LPIN3: variants seen among roughly 807,000 people sequenced by gnomAD.
The protein encoded by LPIN3 is phosphatidate phosphatase LPIN3.
In LPIN3, 82 loss-of-function variants were observed where a neutral mutation model predicts 94.7. That is an observed-to-expected ratio of 0.87 (90% CI 0.72 to 1.04). LPIN3 has a LOEUF of 1.04. Among genes scored for constraint, LPIN3 ranks in the 50% least tolerant of loss-of-function variants. The pLI is 0.00. For synonymous variants in LPIN3, 418 were observed against 443.3 expected, an observed-to-expected ratio of 0.94 and a Z score of 0.72; for missense variants, 996 against 1,090.5, an observed-to-expected ratio of 0.91 and a Z score of 1.22.
At chr20:41,358,567 C>A (rs751157878) in intron 19 of LPIN3, 25 bp downstream of exon 19, 67 of 1,612,172 alleles carry the variant, frequency 4.2e-5, no homozygotes, top group Non-Finnish European at 5.4e-5. Flanking sequence ...TGCCATGTTC[C>A]CCATGCCCTA....
Position 41,351,905 on chromosome 20 carries a change from T to C in LPIN3, c.1187T>C (p.Leu396Pro). 6.2e-7 allele frequency: 1 copy of C among 1,614,244 alleles called. No individual in the cohort carries two copies. Among genetic ancestry groups the C allele is most frequent in the African/African-American group, 1.3e-5 (1 of 75,064 alleles). The change falls in exon 8 of 20, where the codon CTT becomes CCT. Residue 396 changes from leucine (L) to proline (P), a missense_variant. Leu to Pro is a moderately conservative substitution (Grantham distance 98, BLOSUM62 -3). Transcript: ENST00000373257. ...LPSLDSENAA[L>P]YFPQSDSGLG... is the part of the protein sequence containing the mutation. ...TCCCTGGACTCTGAGAATGCAGCGC[T>C]TTACTTCCCCCAAAGGTGCCTGGGT...
In LPIN3 at chr20:41,358,517, G is replaced by C; in HGVS notation, c.2386G>C (p.Glu796Gln). Residue 796 changes from glutamate to glutamine, a missense_variant, in exon 19 of 20, where the codon GAG becomes CAG. Coordinates refer to ENST00000373257, the MANE Select transcript of LPIN3 (RefSeq NM_022896.3). ...CAACCCCCGGGGAGAGCTCATCCAGGAGCTCATAAAGAACCACAAATCCAC... is the reference window on the plus strand; with the variant it reads ...CAACCCCCGGGGAGAGCTCATCCAGCAGCTCATAAAGAACCACAAATCCAC... ...TVNPRGELIQELIKNHKSTYE... is the reference protein window; with the variant it reads ...TVNPRGELIQQLIKNHKSTYE... 9.3e-6 allele frequency: 15 copies of C among 1,614,064 alleles called. No homozygotes were observed. The highest frequency in any genetic ancestry group is 1.1e-5 in the Non-Finnish European group (13 of 1,180,012).
intron 16 of LPIN3, 127 bp from the exon 17 acceptor site, chr20:41,357,755 A>G: frequency 3.1e-6 from 4 of 1,292,918 alleles, no homozygotes; most frequent in Non-Finnish European, 4.3e-6. Context: ...GTTCTCTTCA[A>G]GTCCCCTCCC....
At chr20:41,341,646 T>C (rs1386921548) in intron 1 of LPIN3, among the ~76,000 whole-genome samples, 1 of 152,198 alleles carries the variant, frequency 6.6e-6, no homozygotes, top group Non-Finnish European at 1.5e-5. Context: ...GTTTTGCAAA[T>C]AGTGGTGCCA....
chr20:41,359,969 C>A lies in LPIN3; in HGVS notation c.*1103C>A, dbSNP rs140856380. ...GTCTTTGAAGAAAGTAGCTTTAGAC[C>A]GGCTAAAAGCTTTAATCCAGAGCCT... is the stretch of plus-strand genomic sequence containing the variant. On this transcript the variant is annotated 3_prime_UTR_variant, in exon 20 of 20. Transcript: ENST00000373257. 1 of 152,550 alleles carries A rather than the reference C, an allele frequency of 6.6e-6. No homozygotes were observed. Among genetic ancestry groups the A allele is most frequent in the Non-Finnish European group, 1.5e-5 (1 of 68,070 alleles). The allele number at this position is 152,550 out of a possible 1,614,324, so 9.4% of individuals were successfully genotyped here.
chr20:41,358,021 T>G lies in LPIN3; in HGVS notation c.2179T>G (p.Ser727Ala). Residue 727 changes from serine to alanine, a missense_variant, in exon 17 of 20, where the codon TCT becomes GCT. By Grantham distance (99) the Ser-to-Ala change is moderately conservative. Coordinates refer to ENST00000373257, the MANE Select transcript of LPIN3 (RefSeq NM_022896.3). Reference sequence around the variant, plus strand: ...CCTTCTGTCTCCCAGCAGCCTCTTCTCTGCCCTCCACAGGTAACCACCCCT... The same window carrying G: ...CCTTCTGTCTCCCAGCAGCCTCTTCGCTGCCCTCCACAGGTAACCACCCCT... Reference protein sequence around the residue: ...PILLSPSSLFSALHREVIEKK... With the variant: ...PILLSPSSLFAALHREVIEKK... 2.5e-6 allele frequency: 4 copies of G among 1,605,200 alleles called. No individual in the cohort carries two copies. Among genetic ancestry groups the G allele is most frequent in the Non-Finnish European group, 3.4e-6 (4 of 1,176,036 alleles).
intron 13 of LPIN3, 103 bp downstream of exon 13, chr20:41,354,966 T>G: frequency 3.4e-6 from 4 of 1,162,024 alleles, no homozygotes. Flanking sequence ...TCTCCAGCTG[T>G]GGGTTTTTTT....
chr20:41,360,148 GTC>G lies in LPIN3; in HGVS notation c.*1286_*1287del, dbSNP rs1350670766. ...GCCTCAGCAGAGACCGGTGTCAAGAGTCTCTGGGAACTGCATAGGCCTGAGGA... is the reference window on the plus strand; with the variant it reads ...GCCTCAGCAGAGACCGGTGTCAAGAGTCTGGGAACTGCATAGGCCTGAGGA... On this transcript the variant is annotated 3_prime_UTR_variant, in exon 20 of 20. Coordinates refer to ENST00000373257, the MANE Select transcript of LPIN3 (RefSeq NM_022896.3). 3.3e-5 allele frequency: 5 copies of G among 152,772 alleles called. No individual in the cohort carries two copies. The East Asian group carries it at 9.6e-4, about 29-fold the overall frequency. The allele number at this position is 152,772 out of a possible 1,614,324, so 9.5% of individuals were successfully genotyped here.
intron 11 of LPIN3, 89 bp downstream of exon 11, chr20:41,352,956 C>G: frequency 7.0e-7 from 1 of 1,437,274 alleles, no homozygotes; most frequent in Non-Finnish European, 9.8e-7. Flanking sequence ...GAAGGGTGAG[C>G]AGAGATGGGC....
Position 41,355,969 on chromosome 20 carries a change from C to T in LPIN3, c.1738C>T (p.Pro580Ser), listed in dbSNP as rs781735860. ...SPVILEIPSL[P>S]PSTPPSTPTY... is the part of the protein sequence containing the mutation. The stretch of plus-strand genomic sequence containing the variant: ...TGTGATCCTGGAGATCCCCTCCTTG[C>T]CACCCTCCACTCCACCCTCCACTCC... Residue 580 changes from proline to serine, a missense_variant, in exon 14 of 20, where the codon CCA (proline) becomes TCA (serine). Physicochemically the swap from Pro to Ser is moderately conservative, Grantham distance 74. Transcript: ENST00000373257. 1.1e-5 allele frequency: 17 copies of T among 1,613,878 alleles called. No homozygotes were observed. In the African/African-American group the frequency reaches 1.9e-4, roughly 18 times the overall value.
chr20:41,349,450 C>T (rs1368151656), intron 5 of LPIN3, among the ~76,000 whole-genome samples: 1 of 152,086 alleles, frequency 6.6e-6, no homozygotes, highest in Non-Finnish European at 1.5e-5. Context: ...TATCTAGTTC[C>T]AGAACATCCC....
chr20:41,345,412 G>A (rs546729246), intron 1 of LPIN3, among the ~76,000 whole-genome samples: 11 of 152,272 alleles, frequency 7.2e-5, no homozygotes, highest in East Asian at 1.9e-4. Flanking sequence ...AATGACACCC[G>A]CTCAGCCAGC....
intron 3 of LPIN3, among the ~76,000 whole-genome samples, chr20:41,348,388 A>C (rs1298406028): frequency 7.9e-5 from 12 of 152,218 alleles, no homozygotes; most frequent in Non-Finnish European, 1.5e-5. Flanking sequence ...AGGAGATCAG[A>C]GGCCGATGCC....
chr20:41,341,497 C>T (rs1044875202), intron 1 of LPIN3, among the ~76,000 whole-genome samples: 2 of 152,186 alleles, frequency 1.3e-5, no homozygotes, highest in Non-Finnish European at 2.9e-5. Flanking sequence ...TCCACCCAAA[C>T]CTGGGAGCCC....
chr20:41,342,486 C>T (rs2146898645), intron 1 of LPIN3, among the ~76,000 whole-genome samples: 1 of 152,160 alleles, frequency 6.6e-6, no homozygotes, highest in East Asian at 1.9e-4. Flanking sequence ...AGTGAAGTGG[C>T]TGATTTTAGA....
chr20:41,349,779 C>T lies in LPIN3; in HGVS notation c.644C>T (p.Ser215Leu), dbSNP rs1456944847. The T allele has an allele frequency of 1.2e-6, 2 of 1,613,058 alleles. No individual in the cohort carries two copies. Among genetic ancestry groups the T allele is most frequent in the Admixed American group, 1.7e-5 (1 of 59,940 alleles). The change falls in exon 6 of 20, where the codon TCA becomes TTA. Residue 215 changes from serine (S) to leucine (L), a missense_variant. By Grantham distance (145) the Ser-to-Leu change is moderately radical. Coordinates refer to ENST00000373257, the MANE Select transcript of LPIN3 (RefSeq NM_022896.3). Reference sequence around the variant, plus strand: ...TCTCAATATGTCTCCTGCAGCCTCTCAGCAGGTGAGCTAACATCCCCTAAG... The same window carrying T: ...TCTCAATATGTCTCCTGCAGCCTCTTAGCAGGTGAGCTAACATCCCCTAAG... The part of the protein sequence containing the change: ...DGEWPPQASL[S>L]AGELTSPKSD...
intron 15 of LPIN3, 83 bp from the exon 16 acceptor site, chr20:41,357,278 C>T: frequency 6.3e-7 from 1 of 1,599,980 alleles, no homozygotes; most frequent in Non-Finnish European, 8.6e-7. Context: ...TGAGAGGAGC[C>T]CTCCCTTCCT....
Position 41,358,018 on chromosome 20 carries a change from T to C in LPIN3, c.2176T>C (p.Phe726Leu). The C allele has an allele frequency of 1.2e-6, 2 of 1,605,754 alleles. No individual in the cohort carries two copies. Among genetic ancestry groups the C allele is most frequent in the Non-Finnish European group, 1.7e-6 (2 of 1,176,276 alleles). Residue 726 changes from phenylalanine (F) to leucine (L), a missense_variant, in exon 17 of 20, where the codon TTC becomes CTC. Phe to Leu is a conservative substitution (Grantham distance 22). Transcript: ENST00000373257. Reference protein sequence around the residue: ...GPILLSPSSLFSALHREVIEK... With the variant: ...GPILLSPSSLLSALHREVIEK... The stretch of plus-strand genomic sequence containing the variant: ...CATCCTTCTGTCTCCCAGCAGCCTC[T>C]TCTCTGCCCTCCACAGGTAACCACC...
chr20:41,347,746 G>C, intron 3 of LPIN3, 99 bp downstream of exon 3: 1 of 1,045,670 alleles, frequency 9.6e-7, no homozygotes, highest in Non-Finnish European at 1.4e-6. Flanking sequence ...GCCCTTCCCC[G>C]GGAGCACCCC....
Sources: gnomAD v4.1 joint callset for allele counts (sites outside exome capture counted in the v4.1 genomes callset) on GRCh38, gnomAD v4.1.1 for gene constraint, MANE v1.5 for transcripts, NCBI Gene and HGNC (gene_info 2026-07-23, HGNC 2026-07-21) for gene names.